The following SMIM31 variants were observed in gnomAD, a reference collection of about 807,000 sequenced individuals.
SMIM31 encodes the protein human epithelial cell program regulator.
chr4:164,756,433 G>A (rs1348271666), intron 1 of SMIM31, among the ~76,000 whole-genome samples: 1 of 151,940 alleles, frequency 6.6e-6, no homozygotes, highest in Non-Finnish European at 1.5e-5. Flanking sequence ...TTAGCCAGGT[G>A]TGGTGGTGGG....
chr4:164,802,872 G>A lies in SMIM31; in HGVS notation c.*1678G>A, dbSNP rs550055476. On this transcript the variant is annotated 3_prime_UTR_variant, in exon 3 of 3. Transcript: ENST00000507311. The stretch of plus-strand genomic sequence containing the variant: ...TAAAAGGGCTCACTAAGTTAGAGAG[G>A]ACAGAGAATGGGCTTTGGAGATGAG... 1 of 152,364 alleles carries A rather than the reference G, an allele frequency of 6.6e-6. No homozygotes were observed. The highest frequency in any genetic ancestry group is 2.1e-4 in the South Asian group (1 of 4,830). The allele number at this position is 152,364 out of a possible 1,614,324, so 9.4% of individuals were successfully genotyped here.
intron 2 of SMIM31, among the ~76,000 whole-genome samples, chr4:164,795,114 T>C (rs1012480268): frequency 2.0e-5 from 3 of 152,196 alleles, no homozygotes; most frequent in African/African-American, 7.2e-5. Flanking sequence ...TTGTACAAAA[T>C]TTAATTTTAA....
intron 2 of SMIM31, among the ~76,000 whole-genome samples, chr4:164,793,927 G>A (rs1733142078): frequency 6.6e-6 from 1 of 152,182 alleles, no homozygotes; most frequent in South Asian, 2.1e-4. Flanking sequence ...AAGCATCGTA[G>A]CATTTGACTT....
intron 1 of SMIM31, among the ~76,000 whole-genome samples, chr4:164,769,527 T>C (rs773539483): frequency 4.6e-5 from 6 of 130,374 alleles, no homozygotes; most frequent in Non-Finnish European, 7.7e-5. Context: ...TTCTCACCCA[T>C]AGGTGGGAAT....
intron 1 of SMIM31, among the ~76,000 whole-genome samples, chr4:164,760,428 G>A (rs1732630277): frequency 6.6e-6 from 1 of 152,058 alleles, no homozygotes; most frequent in Admixed American, 6.5e-5. Flanking sequence ...CTGAATGTAT[G>A]TTGAAGATAA....
At chr4:164,796,026 A>G (rs563837653) in intron 2 of SMIM31, among the ~76,000 whole-genome samples, 2 of 152,340 alleles carry the variant, frequency 1.3e-5, no homozygotes, top group South Asian at 4.1e-4. Flanking sequence ...ATAAATTTAC[A>G]GAAGTATCCA....
chr4:164,773,475 T>C (rs570262711), intron 2 of SMIM31, among the ~76,000 whole-genome samples: 8 of 152,280 alleles, frequency 5.3e-5, no homozygotes, highest in Non-Finnish European at 7.4e-5. Context: ...GAAGCAAACA[T>C]GTCCTTCTTC....
At chr4:164,794,621 A>G (rs10016667) in intron 2 of SMIM31, among the ~76,000 whole-genome samples, 110,435 of 151,854 alleles carry the variant, frequency 0.73, 40,674 homozygotes, top group Non-Finnish European at 0.8. Context: ...CCTGGCCAAC[A>G]TGGTGAAACC....
intron 2 of SMIM31, among the ~76,000 whole-genome samples, chr4:164,779,820 G>C (rs1238502178): frequency 6.6e-6 from 1 of 152,182 alleles, no homozygotes; most frequent in Admixed American, 6.5e-5. Context: ...TGCTTTAAAA[G>C]AAGGATTATT....
At chr4:164,786,692 G>A (rs755075657) in intron 2 of SMIM31, among the ~76,000 whole-genome samples, 33 of 152,134 alleles carry the variant, frequency 2.2e-4, no homozygotes, top group Non-Finnish European at 8.8e-5. Context: ...CTAGTGGCAA[G>A]GCTTTATAGG....
At chr4:164,754,975 T>G (rs1732538010) in intron 1 of SMIM31, among the ~76,000 whole-genome samples, 2 of 151,554 alleles carry the variant, frequency 1.3e-5, no homozygotes, top group Non-Finnish European at 2.9e-5. Context: ...ATTAAAAGCC[T>G]TTAGAAATAC....
chr4:164,789,822 T>C (rs1157635676), intron 2 of SMIM31, among the ~76,000 whole-genome samples: 1 of 152,194 alleles, frequency 6.6e-6, no homozygotes, highest in African/African-American at 2.4e-5. Context: ...TGACGAAAAC[T>C]GAAGTTAATG....
intron 2 of SMIM31, among the ~76,000 whole-genome samples, chr4:164,788,321 G>A (rs181805910): frequency 6.6e-6 from 1 of 151,894 alleles, no homozygotes; most frequent in African/African-American, 2.4e-5. Context: ...GTCCTGTGTG[G>A]TAAAACTGTG....
intron 1 of SMIM31, among the ~76,000 whole-genome samples, chr4:164,758,824 T>A (rs867313791): frequency 2.7e-5 from 3 of 112,758 alleles, no homozygotes; most frequent in African/African-American, 7.2e-5. Context: ...TTTTTTTTTT[T>A]TTTTTTTTTT....
intron 2 of SMIM31, among the ~76,000 whole-genome samples, chr4:164,786,117 T>G (rs1213504115): frequency 6.6e-6 from 1 of 152,172 alleles, no homozygotes; most frequent in African/African-American, 2.4e-5. Flanking sequence ...ACTTCACAGA[T>G]TTTAAAAAAA....
At chr4:164,788,472 A>ATTT (rs1187569698) in intron 2 of SMIM31, among the ~76,000 whole-genome samples, 4 of 60,506 alleles carry the variant, frequency 6.6e-5, no homozygotes, top group South Asian at 4.7e-4. Flanking sequence ...CTTTCTTCTA[A>ATTT]TTTTTCTTTT....
At chr4:164,786,362 T>C (rs1431693167) in intron 2 of SMIM31, among the ~76,000 whole-genome samples, 1 of 152,166 alleles carries the variant, frequency 6.6e-6, no homozygotes, top group Non-Finnish European at 1.5e-5. Flanking sequence ...GCCTAGTCTG[T>C]GTTCCAGGTG....
chr4:164,783,410 G>A (rs1013549504), intron 2 of SMIM31, among the ~76,000 whole-genome samples: 1 of 151,376 alleles, frequency 6.6e-6, no homozygotes, highest in Non-Finnish European at 1.5e-5. Flanking sequence ...TCTAAACCCA[G>A]CTTCTCGGGA....
At chr4:164,755,870 G>C (rs1732554690) in intron 1 of SMIM31, among the ~76,000 whole-genome samples, 1 of 152,064 alleles carries the variant, frequency 6.6e-6, no homozygotes, top group Non-Finnish European at 1.5e-5. Context: ...TTCAAACATA[G>C]AGAAAAATTG....
Sources: gnomAD v4.1 joint callset for allele counts (sites outside exome capture counted in the v4.1 genomes callset) on GRCh38, gnomAD v4.1.1 for gene constraint, MANE v1.5 for transcripts, NCBI Gene and HGNC (gene_info 2026-07-23, HGNC 2026-07-21) for gene names.